The following RPTOR variants were observed in gnomAD, a reference collection of about 807,000 sequenced individuals.
RPTOR encodes the protein regulatory-associated protein of mTOR.
A neutral mutation model predicts 169.9 loss-of-function variants in RPTOR; 21 were observed. The ratio of observed to expected loss-of-function variants is 0.12; its 90% CI spans 0.09 to 0.18. The LOEUF is 0.18. RPTOR is among the 10% of genes least tolerant of loss of function. The pLI is 1.00. For synonymous variants in RPTOR, 732 were observed against 753.2 expected, an observed-to-expected ratio of 0.97 and a Z score of 0.46; for missense variants, 1,133 against 1,855.9, an observed-to-expected ratio of 0.61 and a Z score of 7.16.
At chr17:80,750,825 T>G (rs2066623304) in intron 5 of RPTOR, among the ~76,000 whole-genome samples, 1 of 152,164 alleles carries the variant, frequency 6.6e-6, no homozygotes, top group Non-Finnish European at 1.5e-5. Context: ...TCTTGGTGAT[T>G]GTTGCGTGGC....
chr17:80,579,573 T>A (rs542135862), intron 1 of RPTOR, among the ~76,000 whole-genome samples: 1 of 152,302 alleles, frequency 6.6e-6, no homozygotes, highest in East Asian at 1.9e-4. Context: ...CACGTCACGA[T>A]GGCTGGAGGC....
intron 1 of RPTOR, chr17:80,602,639 T>C: frequency 1.5e-6 from 1 of 670,696 alleles, no homozygotes. Context: ...TTGGTGAATC[T>C]TCATCCTCAT....
At position 80,685,614 on chromosome 17, in the gene RPTOR, T is replaced by TGG. The variant is rs1230312575; in HGVS notation, c.349-22227_349-22226insGG. Among the ~76,000 whole-genome samples the TGG allele has an allele frequency of 7.7e-3, 165 of 21,546 alleles. 7 individuals are homozygous for TGG. The highest frequency in any genetic ancestry group is 0.073 in the South Asian group (37 of 506). The allele number at this position is 21,546 out of a possible 152,430, so 14.1% of individuals were successfully genotyped here. On this transcript the variant is annotated intron_variant, in intron 3 of 33. Coordinates refer to ENST00000306801, the MANE Select transcript of RPTOR (RefSeq NM_020761.3). ...TCAGGGCCATTTCCATATATATATA[T>TGG]ATATATATATATATTTTTTTTTTTT... is the stretch of plus-strand genomic sequence containing the variant.
chr17:80,644,707 A>T (rs1197465465), intron 3 of RPTOR, among the ~76,000 whole-genome samples: 2 of 152,216 alleles, frequency 1.3e-5, no homozygotes, highest in Non-Finnish European at 2.9e-5. Context: ...TGGATCATTT[A>T]TCCACATGAT....
chr17:80,602,704 T>C (rs1354821989), intron 1 of RPTOR: 8 of 754,052 alleles, frequency 1.1e-5, no homozygotes, highest in Non-Finnish European at 1.9e-5. Context: ...CTTATTCCTT[T>C]GGCCCAGACA....
At chr17:80,647,187 A>G (rs888561582) in intron 3 of RPTOR, among the ~76,000 whole-genome samples, 1 of 152,208 alleles carries the variant, frequency 6.6e-6, no homozygotes, top group African/African-American at 2.4e-5. Context: ...TTTGCCACTG[A>G]TGAAATGTTT....
rs1296529699 is a variant in RPTOR, at chr17:80,960,430, C to T, written c.3605+225C>T. ...AGGTCTGCCCCACAGAGGTCCACCC[C>T]ACAGCCTATGGAGGAGCACAGGGGA... is the stretch of plus-strand genomic sequence containing the variant. On this transcript the variant is annotated intron_variant, in intron 30 of 33. Transcript: ENST00000306801. This position sits in a 1 kb window ranked among gnomAD's most constrained non-coding sequence, Gnocchi z 4.8. Among the ~76,000 whole-genome samples the T allele has an allele frequency of 6.6e-6, 1 of 152,244 alleles. No homozygotes were observed. Among genetic ancestry groups the T allele is most frequent in the Non-Finnish European group, 1.5e-5 (1 of 68,038 alleles).
At chr17:80,798,874 G>A (rs1444736435) in intron 7 of RPTOR, among the ~76,000 whole-genome samples, 3 of 152,132 alleles carry the variant, frequency 2.0e-5, no homozygotes, top group Non-Finnish European at 2.9e-5. Flanking sequence ...AGAGCCACAC[G>A]GTTGTCTGGG....
At chr17:80,559,202 C>T (rs560295566) in intron 1 of RPTOR, among the ~76,000 whole-genome samples, 10 of 152,184 alleles carry the variant, frequency 6.6e-5, no homozygotes, top group Non-Finnish European at 1.0e-4. Flanking sequence ...AGTCTTTCCT[C>T]ATATTCACAC....
chr17:80,873,423 C>T (rs1293324608), intron 13 of RPTOR, among the ~76,000 whole-genome samples: 2 of 152,116 alleles, frequency 1.3e-5, no homozygotes, highest in African/African-American at 4.8e-5. Context: ...GACGTGCTGC[C>T]TCCTGGGACT....
At chr17:80,564,718 CT>C (rs917195790) in intron 1 of RPTOR, among the ~76,000 whole-genome samples, 6 of 150,630 alleles carry the variant, frequency 4.0e-5, no homozygotes, top group East Asian at 3.9e-4. Context: ...TACCCAATAG[CT>C]TTTTTTTTCA....
intron 4 of RPTOR, among the ~76,000 whole-genome samples, chr17:80,727,825 TAGA>T (rs945821259): frequency 2.0e-5 from 3 of 152,230 alleles, no homozygotes; most frequent in Admixed American, 2.0e-4. Flanking sequence ...GATGGATATC[TAGA>T]AGTAGTCAGA....
chr17:80,617,131 C>T (rs1442344038), intron 1 of RPTOR, among the ~76,000 whole-genome samples: 1 of 152,114 alleles, frequency 6.6e-6, no homozygotes, highest in African/African-American at 2.4e-5. Context: ...AGTGCATACA[C>T]AGAAGGGCCA....
chr17:80,694,559 C>A (rs944623822), intron 3 of RPTOR, among the ~76,000 whole-genome samples: 5 of 152,216 alleles, frequency 3.3e-5, no homozygotes. Context: ...TCCCTGCGCC[C>A]CTTCCTTCCA....
rs573219832 is a variant in RPTOR, at chr17:80,959,928, GC to G, written c.3478-149del. On this transcript the variant is annotated intron_variant, in intron 29 of 33. Coordinates refer to ENST00000306801, the MANE Select transcript of RPTOR (RefSeq NM_020761.3). The surrounding 1 kb of genome is among the most constrained non-coding windows in gnomAD (Gnocchi z 6.7). ...CTCCTGGGCTCCCCAGGCCTTTGAT[GC>G]TTCCCTGGATAGAGAGAAAGGCCCC... 117 of 893,130 alleles carry G rather than the reference GC, an allele frequency of 1.3e-4. No individual in the cohort carries two copies. The African/African-American group carries it at 1.8e-3, about 14-fold the overall frequency. 55.3% of individuals were successfully genotyped at this position (893,130 alleles called of 1,614,324 possible). A position where few individuals can be genotyped will look rare whatever the true frequency, so the allele number is the denominator to read the frequency against.
chr17:80,914,578 C>T (rs1273866489), intron 21 of RPTOR, among the ~76,000 whole-genome samples: 3 of 152,254 alleles, frequency 2.0e-5, no homozygotes, highest in African/African-American at 4.8e-5. Context: ...CTGCTCCTGG[C>T]ACCCACTTCA....
At chr17:80,705,225 T>G (rs1160202975) in intron 3 of RPTOR, among the ~76,000 whole-genome samples, 1 of 152,254 alleles carries the variant, frequency 6.6e-6, no homozygotes, top group Non-Finnish European at 1.5e-5. Context: ...GTTGGTTAGC[T>G]CTCTCTCAAG....
chr17:80,783,863 C>T (rs781109270), intron 6 of RPTOR, among the ~76,000 whole-genome samples: 15 of 152,232 alleles, frequency 9.9e-5, no homozygotes, highest in South Asian at 2.1e-4. Flanking sequence ...TCCTGCTTAC[C>T]GGCCTAGAAG....
chr17:80,961,306 C>T, intron 30 of RPTOR, 88 bp from the exon 31 acceptor site: 2 of 1,280,242 alleles, frequency 1.6e-6, no homozygotes, highest in Non-Finnish European at 2.1e-6. Flanking sequence ...CTGGCACAGG[C>T]AGACCTGGGC....
Sources: allele counts gnomAD v4.1 joint callset (sites outside exome capture counted in the v4.1 genomes callset), GRCh38; gene constraint gnomAD v4.1.1; non-coding constraint Gnocchi (gnomAD v3.1); transcripts MANE v1.5; gene names NCBI Gene and HGNC (gene_info 2026-07-23, HGNC 2026-07-21).